Variants in PKNOX1 observed in about 807,000 individuals in gnomAD.
The protein encoded by PKNOX1 is PBX/knotted 1 homeobox 1.
PKNOX1 carries 15 observed loss-of-function variants against 51.9 expected under a neutral mutation model. That is an observed-to-expected ratio of 0.29 (90% CI 0.19 to 0.45). PKNOX1 has a LOEUF of 0.45. Among genes scored for constraint, PKNOX1 ranks in the 20% least tolerant of loss-of-function variants. The pLI, the probability that PKNOX1 is intolerant of heterozygous loss-of-function variation, is 1.00. For synonymous variants in PKNOX1, 219 were observed against 211.1 expected (o/e 1.04, Z -0.32); for missense variants, 462 against 547.5 (o/e 0.84, Z 1.56).
At chr21:42,990,775 A>T (rs2059083224) in intron 1 of PKNOX1, among the ~76,000 whole-genome samples, 1 of 152,226 alleles carries the variant, frequency 6.6e-6, no homozygotes, top group Non-Finnish European at 1.5e-5. Flanking sequence ...TTTGATGAGC[A>T]ATGAAAAGCT....
At chr21:42,993,729 TTTTTTC>T (rs1953632336) in intron 1 of PKNOX1, among the ~76,000 whole-genome samples, 2 of 2,402 alleles carry the variant, frequency 8.3e-4, no homozygotes, top group South Asian at 0.018. Flanking sequence ...TTAACTCTTT[TTTTTTC>T]TTTTTTTTTT....
chr21:43,028,595 T>A (rs1195048801), intron 9 of PKNOX1, 107 bp from the exon 10 acceptor site: 1 of 993,380 alleles, frequency 1.0e-6, no homozygotes, highest in African/African-American at 1.6e-5. Context: ...GAGTCATTCT[T>A]TGTAGCGTGC....
rs1468514674 is a variant in PKNOX1, at chr21:43,004,680, T to G, written c.51+248T>G. On this transcript the variant is annotated intron_variant, in intron 2 of 10. Coordinates refer to ENST00000291547, the MANE Select transcript of PKNOX1 (RefSeq NM_004571.5). ...ATGACAGTTTCTTGGGAATTTACCTTTTTAATGTCAGTGTTAATTAGCACT... is the reference window on the plus strand; with the variant it reads ...ATGACAGTTTCTTGGGAATTTACCTGTTTAATGTCAGTGTTAATTAGCACT... Among the ~76,000 whole-genome samples, 3 of 152,236 alleles carry G rather than the reference T, an allele frequency of 2.0e-5. No homozygotes were observed. In the East Asian group the frequency reaches 5.8e-4, roughly 29 times the overall value.
chr21:43,032,325 C>T lies in PKNOX1; in HGVS notation c.*2224C>T. 2.4e-6 allele frequency: 1 copy of T among 412,790 alleles called. No individual in the cohort carries two copies. Among genetic ancestry groups the T allele is most frequent in the Non-Finnish European group, 4.9e-6 (1 of 202,866 alleles). The allele number at this position is 412,790 out of a possible 1,614,324, so 25.6% of individuals were successfully genotyped here. A position where few individuals can be genotyped will look rare whatever the true frequency, so the allele number is the denominator to read the frequency against. ...CCAGCCCTTCCTCCTTCCCTCACCA[C>T]CCTCCGTCTCTTCGGCTGCTTGCTC... On this transcript the variant is annotated 3_prime_UTR_variant, in exon 11 of 11. Coordinates refer to ENST00000291547, the MANE Select transcript of PKNOX1 (RefSeq NM_004571.5).
chr21:43,016,658 G>C (rs1253349805), intron 5 of PKNOX1, among the ~76,000 whole-genome samples: 1 of 152,222 alleles, frequency 6.6e-6, no homozygotes, highest in Non-Finnish European at 1.5e-5. Context: ...GTGAGATGAA[G>C]ATAATCTTTT....
In PKNOX1 at chr21:43,007,500, G is replaced by A; in HGVS notation, c.61G>A (p.Val21Ile). 6.2e-7 allele frequency: 1 copy of A among 1,613,690 alleles called. No homozygotes were observed. The highest frequency in any genetic ancestry group is 2.2e-5 in the East Asian group (1 of 44,880). Residue 21 changes from valine to isoleucine, a missense_variant, in exon 3 of 11, where the codon GTA becomes ATA. This residue lies in a region of PKNOX1 where 129 missense variants were observed against 133.4 expected (regional missense o/e 0.97). Transcript: ENST00000291547. ...SYQDGQQMQV[V>I]TELKTEQDPN... Reference sequence around the variant, plus strand: ...CTTCCTCCTTTTACAGATGCAAGTAGTAACAGAGTTAAAGACAGAACAAGA... The same window carrying A: ...CTTCCTCCTTTTACAGATGCAAGTAATAACAGAGTTAAAGACAGAACAAGA...
Position 43,021,563 on chromosome 21 carries a change from T to C in PKNOX1, c.849+132T>C. ...GCCTGACTTTCAGGACTTTGTGGCA[T>C]GTCCATAATGTGGGGAGCGTGGGGC... On this transcript the variant is annotated intron_variant, in intron 8 of 10. Coordinates refer to ENST00000291547, the MANE Select transcript of PKNOX1 (RefSeq NM_004571.5). This position sits in a 1 kb window ranked among gnomAD's most constrained non-coding sequence, Gnocchi z 4.6. 9.1e-7 allele frequency: 1 copy of C among 1,095,448 alleles called. No individual in the cohort carries two copies. The highest frequency in any genetic ancestry group is 1.3e-6 in the Non-Finnish European group (1 of 780,854). 67.9% of individuals were successfully genotyped at this position (1,095,448 alleles called of 1,614,324 possible).
intron 1 of PKNOX1, among the ~76,000 whole-genome samples, chr21:42,976,385 G>T (rs887096036): frequency 6.6e-6 from 1 of 152,186 alleles, no homozygotes; most frequent in Non-Finnish European, 1.5e-5. Flanking sequence ...ACTGATCAGG[G>T]TGGTGGTGGC....
At chr21:42,991,980 C>T (rs994393633) in intron 1 of PKNOX1, among the ~76,000 whole-genome samples, 1 of 152,190 alleles carries the variant, frequency 6.6e-6, no homozygotes, top group African/African-American at 2.4e-5. Context: ...TTTGCTCTTG[C>T]TGGAGATGCA....
chr21:43,014,639 A>G (rs1979406063), intron 5 of PKNOX1, among the ~76,000 whole-genome samples: 1 of 152,242 alleles, frequency 6.6e-6, no homozygotes, highest in South Asian at 2.1e-4. Context: ...AATAGAGACA[A>G]GGTCTCACTA....
chr21:42,987,404 A>AAAAAATATATATATAT, intron 1 of PKNOX1, among the ~76,000 whole-genome samples: 11 of 41,404 alleles, frequency 2.7e-4, no homozygotes, highest in Non-Finnish European at 3.8e-4. Context: ...AAAAAAAAAA[A>AAAAAATATATATATAT]ATATATATAT....
intron 9 of PKNOX1, among the ~76,000 whole-genome samples, chr21:43,026,244 C>G (rs1979978686): frequency 6.6e-6 from 1 of 152,188 alleles, no homozygotes; most frequent in Admixed American, 6.5e-5. Context: ...ATTGTCTTAT[C>G]TAGGTTTAGT....
intron 1 of PKNOX1, among the ~76,000 whole-genome samples, chr21:42,996,924 C>T (rs183626584): frequency 9.2e-5 from 14 of 151,702 alleles, no homozygotes; most frequent in East Asian, 5.8e-4. Context: ...TCTGTCATCC[C>T]GGCTGGAGTG....
chr21:43,022,968 T>A (rs937075143), intron 8 of PKNOX1, among the ~76,000 whole-genome samples: 2 of 152,156 alleles, frequency 1.3e-5, no homozygotes, highest in Non-Finnish European at 2.9e-5. Flanking sequence ...GGGTGAGTAC[T>A]CTCCTTTCAG....
rs751952120 is a variant in PKNOX1, at chr21:42,976,563, C to A, written c.-57+1899C>A. ...ATTCTCAAACTCTGCCACTGCTATC[C>A]ACTAAGTTGATGTGATATTCCAAAT... On this transcript the variant is annotated intron_variant, in intron 1 of 10. Transcript: ENST00000291547. 1.2e-4 allele frequency among the ~76,000 whole-genome samples: 19 copies of A among 152,350 alleles called. No homozygotes were observed. The Middle Eastern group carries it at 0.01, about 82-fold the overall frequency.
chr21:43,010,827 G>A (rs1939597150), intron 4 of PKNOX1, among the ~76,000 whole-genome samples: 1 of 151,932 alleles, frequency 6.6e-6, no homozygotes, highest in South Asian at 2.1e-4. Context: ...TTGTGCCACT[G>A]CACTCCAGCC....
intron 5 of PKNOX1, among the ~76,000 whole-genome samples, chr21:43,014,310 C>G (rs1469323117): frequency 6.6e-6 from 1 of 152,032 alleles, no homozygotes; most frequent in South Asian, 2.1e-4. Flanking sequence ...CATGAGCTAC[C>G]ACGCCTGGCC....
At chr21:43,019,767 C>G (rs955628404) in intron 7 of PKNOX1, among the ~76,000 whole-genome samples, 4 of 152,090 alleles carry the variant, frequency 2.6e-5, no homozygotes, top group African/African-American at 9.7e-5. Flanking sequence ...GTCTCGAAAT[C>G]CTGGGCTCAA....
At chr21:43,020,825 C>G (rs1043920201) in intron 7 of PKNOX1, among the ~76,000 whole-genome samples, 1 of 152,216 alleles carries the variant, frequency 6.6e-6, no homozygotes, top group Non-Finnish European at 1.5e-5. Context: ...CCACGGCATT[C>G]CTGCCTGCAG....
Sources: gnomAD v4.1 joint callset for allele counts (sites outside exome capture counted in the v4.1 genomes callset) on GRCh38, gnomAD v4.1.1 for gene constraint, gnomAD v4.1.1 regional missense constraint, Gnocchi (gnomAD v3.1) non-coding constraint, MANE v1.5 for transcripts, NCBI Gene and HGNC (gene_info 2026-07-23, HGNC 2026-07-21) for gene names.